Variants in RIGI observed in about 807,000 individuals in gnomAD.
The protein encoded by RIGI is antiviral innate immune response receptor RIG-I.
At chr9:32,466,690 CA>C in the RIGI span, among the ~76,000 whole-genome samples, 926 of 68,556 alleles carry the variant, frequency 0.014, 1 homozygote, top group Admixed American at 0.019. Flanking sequence ...AGACCTATCT[CA>C]AAAAAAAAAA....
the RIGI span, among the ~76,000 whole-genome samples, chr9:32,516,018 C>T: frequency 6.6e-6 from 1 of 152,198 alleles, no homozygotes; most frequent in Non-Finnish European, 1.5e-5. Context: ...GTCCCACAGA[C>T]ATTTATTCCA....
At chr9:32,492,462 C>G in the RIGI span, 1 of 1,614,134 alleles carries the variant, frequency 6.2e-7, no homozygotes, top group Non-Finnish European at 8.5e-7. Context: ...AGTTTTGGGC[C>G]AGTTTTCCTT....
the RIGI span, among the ~76,000 whole-genome samples, chr9:32,487,093 G>T: frequency 6.6e-6 from 1 of 152,292 alleles, no homozygotes; most frequent in Non-Finnish European, 1.5e-5. Context: ...CAACTAAAAT[G>T]ATCAAATACA....
the RIGI span, chr9:32,487,421 G>A: frequency 1.9e-6 from 3 of 1,562,444 alleles, no homozygotes; most frequent in African/African-American, 4.1e-5. Flanking sequence ...TGAACTAGAG[G>A]TAGTAGAGAG....
chr9:32,516,248 TA>T, the RIGI span, among the ~76,000 whole-genome samples: 8 of 152,218 alleles, frequency 5.3e-5, no homozygotes, highest in Non-Finnish European at 1.0e-4. Flanking sequence ...CCCTGCTATA[TA>T]AACCCCTAAT....
At chr9:32,458,078 T>C in the RIGI span, among the ~76,000 whole-genome samples, 1 of 152,164 alleles carries the variant, frequency 6.6e-6, no homozygotes, top group South Asian at 2.1e-4. Context: ...CCCAAACAGC[T>C]GAGCTGATGA....
the RIGI span, among the ~76,000 whole-genome samples, chr9:32,507,254 G>A: frequency 2.0e-5 from 3 of 152,144 alleles, no homozygotes; most frequent in Non-Finnish European, 2.9e-5. Flanking sequence ...TAAAAGTTAT[G>A]CTTTGGGAAT....
chr9:32,479,023 C>T, the RIGI span, among the ~76,000 whole-genome samples: 9 of 152,290 alleles, frequency 5.9e-5, no homozygotes, highest in African/African-American at 1.7e-4. Flanking sequence ...CACTGGCAAA[C>T]GAGTGAAGTT....
the RIGI span, among the ~76,000 whole-genome samples, chr9:32,471,447 C>T: frequency 1.3e-5 from 2 of 152,164 alleles, no homozygotes; most frequent in Admixed American, 1.3e-4. Context: ...AACATTTATT[C>T]AGCAATTATG....
chr9:32,525,117 C>A, the RIGI span, among the ~76,000 whole-genome samples: 1 of 152,188 alleles, frequency 6.6e-6, no homozygotes, highest in Non-Finnish European at 1.5e-5. Context: ...AAGCAGCCAG[C>A]CAACAAGCAC....
chr9:32,488,612 TG>T, the RIGI span: 1 of 1,052,632 alleles, frequency 9.5e-7, no homozygotes, highest in Non-Finnish European at 1.3e-6. Flanking sequence ...GGATAACATC[TG>T]GATTATAAAA....
At chr9:32,512,951 G>C in the RIGI span, among the ~76,000 whole-genome samples, 1 of 152,074 alleles carries the variant, frequency 6.6e-6, no homozygotes. Flanking sequence ...GCCAAATCAT[G>C]AGTGAACTCC....
chr9:32,464,649 T>A, the RIGI span, among the ~76,000 whole-genome samples: 150 of 152,232 alleles, frequency 9.9e-4, no homozygotes, highest in Middle Eastern at 3.4e-3. Context: ...AGTGCTGGGA[T>A]TACAGGCATG....
chr9:32,494,402 G>A, the RIGI span, among the ~76,000 whole-genome samples: 1 of 151,666 alleles, frequency 6.6e-6, no homozygotes, highest in African/African-American at 2.4e-5. Context: ...AAGTAAATGG[G>A]AAATTTACTT....
At chr9:32,470,935 G>T in the RIGI span, among the ~76,000 whole-genome samples, 5 of 152,192 alleles carry the variant, frequency 3.3e-5, no homozygotes, top group Non-Finnish European at 5.9e-5. Context: ...TACTTCAGTG[G>T]TCTCTACCTC....
At chr9:32,499,557 G>C in the RIGI span, among the ~76,000 whole-genome samples, 2 of 152,012 alleles carry the variant, frequency 1.3e-5, no homozygotes, top group Non-Finnish European at 2.9e-5. Flanking sequence ...CTGGGTTCAA[G>C]CAATTCTCCT....
At chr9:32,508,853 T>G in the RIGI span, among the ~76,000 whole-genome samples, 1 of 152,068 alleles carries the variant, frequency 6.6e-6, no homozygotes, top group African/African-American at 2.4e-5. Context: ...TCCACTAGCT[T>G]GAAATTCTCG....
At chr9:32,467,204 A>G in the RIGI span, among the ~76,000 whole-genome samples, 1 of 152,152 alleles carries the variant, frequency 6.6e-6, no homozygotes, top group African/African-American at 2.4e-5. Flanking sequence ...TGGGAAATAA[A>G]GTTGGAATGA....
the RIGI span, among the ~76,000 whole-genome samples, chr9:32,514,687 C>T: frequency 4.6e-5 from 7 of 152,260 alleles, no homozygotes; most frequent in South Asian, 8.3e-4. Flanking sequence ...AACAAACCTG[C>T]ACGTTCTGCA....
Sources: allele counts gnomAD v4.1 joint callset (sites outside exome capture counted in the v4.1 genomes callset), GRCh38; gene constraint gnomAD v4.1.1; transcripts MANE v1.5; gene names NCBI Gene and HGNC (gene_info 2026-07-23, HGNC 2026-07-21).